GLI3: variants seen among roughly 807,000 people sequenced by gnomAD.
GLI3 encodes the protein transcription activator GLI3.
In GLI3, 20 loss-of-function variants were observed where a neutral mutation model predicts 100.8. The observed-to-expected ratio is 0.20, with a 90% CI of 0.14 to 0.29. GLI3 has a LOEUF of 0.29. GLI3 is among the 10% of genes least tolerant of loss of function. The pLI, the probability that GLI3 is intolerant of heterozygous loss-of-function variation, is 1.00. For synonymous variants in GLI3, 938 were observed against 860.5 expected, an observed-to-expected ratio of 1.09 and a Z score of -1.58; for missense variants, 2,040 against 2,128.5, an observed-to-expected ratio of 0.96 and a Z score of 0.82.
chr7:42,080,457 A>G (rs1237860575), intron 3 of GLI3, among the ~76,000 whole-genome samples: 1 of 152,206 alleles, frequency 6.6e-6, no homozygotes, highest in Non-Finnish European at 1.5e-5. Flanking sequence ...TTTTGGTTTA[A>G]GTGTCTCACT....
At chr7:42,150,214 C>A (rs896255505) in intron 2 of GLI3, 7 of 152,100 alleles carry the variant, frequency 4.6e-5, no homozygotes, top group Non-Finnish European at 8.8e-5. Flanking sequence ...CAAAAAAAAT[C>A]CTGTAATCTC....
chr7:41,988,712 A>G (rs1035583411), intron 10 of GLI3, among the ~76,000 whole-genome samples: 6 of 152,194 alleles, frequency 3.9e-5, no homozygotes, highest in African/African-American at 1.2e-4. Context: ...TTATTTATAA[A>G]TTACCCAGTG....
intron 8 of GLI3, among the ~76,000 whole-genome samples, 158 bp downstream of exon 8, chr7:42,026,041 C>T (rs1225504038): frequency 1.3e-5 from 2 of 152,222 alleles, no homozygotes; most frequent in Non-Finnish European, 1.5e-5. Flanking sequence ...AACACGTCCA[C>T]CAAAACTGAA....
intron 3 of GLI3, among the ~76,000 whole-genome samples, chr7:42,109,378 G>A (rs1785649755): frequency 6.6e-6 from 1 of 152,136 alleles, no homozygotes; most frequent in Admixed American, 6.5e-5. Context: ...GGCACCTCAG[G>A]AAATTTAAGT....
chr7:42,035,510 G>A (rs956347808), intron 7 of GLI3, among the ~76,000 whole-genome samples: 32 of 152,226 alleles, frequency 2.1e-4, no homozygotes, highest in African/African-American at 7.2e-4. Context: ...GTGCAAAATG[G>A]GAATGTCATT....
chr7:42,139,226 CAG>C (rs1786506772), intron 3 of GLI3, among the ~76,000 whole-genome samples: 1 of 151,990 alleles, frequency 6.6e-6, no homozygotes, highest in African/African-American at 2.4e-5. Flanking sequence ...TGCCTTGATA[CAG>C]AACACTGTTA....
intron 1 of GLI3, among the ~76,000 whole-genome samples, chr7:42,248,404 C>G (rs1192920370): frequency 1.3e-5 from 2 of 152,226 alleles, no homozygotes; most frequent in Non-Finnish European, 2.9e-5. Flanking sequence ...GATCACTTAA[C>G]ATTTTAAAAT....
chr7:42,056,749 G>C (rs1037562896), intron 4 of GLI3, among the ~76,000 whole-genome samples: 2 of 151,810 alleles, frequency 1.3e-5, no homozygotes, highest in African/African-American at 2.4e-5. Context: ...TGGAGAGTTT[G>C]AGACCAGTGT....
At chr7:42,026,097 G>T in intron 8 of GLI3, 102 bp downstream of exon 8, 1 of 764,368 alleles carries the variant, frequency 1.3e-6, no homozygotes, top group Non-Finnish European at 2.3e-6. Flanking sequence ...TACAGAGGCT[G>T]TGAGAACACA....
chr7:42,155,778 C>T (rs553954198), intron 2 of GLI3, among the ~76,000 whole-genome samples: 18 of 152,312 alleles, frequency 1.2e-4, no homozygotes, highest in South Asian at 4.1e-4. Context: ...GTTCCCCTCA[C>T]TGCAGCAGAA....
At chr7:42,049,178 TC>T (rs1562703418) in intron 4 of GLI3, among the ~76,000 whole-genome samples, 1 of 151,896 alleles carries the variant, frequency 6.6e-6, no homozygotes, top group East Asian at 1.9e-4. Context: ...AAGAATACAA[TC>T]CCAAATTTGT....
chr7:42,206,318 G>A (rs1016794989), intron 2 of GLI3, among the ~76,000 whole-genome samples: 1 of 151,250 alleles, frequency 6.6e-6, no homozygotes, highest in Admixed American at 6.6e-5. Context: ...AATTCTAAAG[G>A]GATACTTTTA....
chr7:41,999,403 G>A (rs142815041), intron 10 of GLI3, among the ~76,000 whole-genome samples: 1 of 152,314 alleles, frequency 6.6e-6, no homozygotes, highest in Non-Finnish European at 1.5e-5. Flanking sequence ...AAAAGGTTCT[G>A]ATTGATACTA....
chr7:42,238,243 C>A (rs1163375557), upstream of GLI3, among the ~76,000 whole-genome samples: 2 of 151,992 alleles, frequency 1.3e-5, no homozygotes, highest in African/African-American at 4.8e-5. Flanking sequence ...CCCTGGCACT[C>A]GTGCTGCGTC....
At chr7:42,114,376 G>C (rs1785794517) in intron 3 of GLI3, among the ~76,000 whole-genome samples, 1 of 152,040 alleles carries the variant, frequency 6.6e-6, no homozygotes. Flanking sequence ...CCCATGTCCT[G>C]CCTGAAATAC....
intron 10 of GLI3, among the ~76,000 whole-genome samples, chr7:42,001,236 CA>C (rs10700047): frequency 3.2e-3 from 277 of 85,688 alleles, no homozygotes; most frequent in Middle Eastern, 6.7e-3. Flanking sequence ...GACTATGTCT[CA>C]AAAAAAAAAA....
At chr7:42,111,263 C>T (rs10278332) in intron 3 of GLI3, among the ~76,000 whole-genome samples, 44,707 of 152,022 alleles carry the variant, frequency 0.29, 6,696 homozygotes, top group Middle Eastern at 0.41. Flanking sequence ...GTGCTGGGAT[C>T]GGATATGAGT....
At chr7:42,102,844 G>C (rs1785496544) in intron 3 of GLI3, among the ~76,000 whole-genome samples, 1 of 152,154 alleles carries the variant, frequency 6.6e-6, no homozygotes, top group African/African-American at 2.4e-5. Context: ...AAGGATATGG[G>C]AGTGCCATCT....
chr7:42,030,644 T>G (rs892161754), intron 7 of GLI3, among the ~76,000 whole-genome samples: 2 of 151,948 alleles, frequency 1.3e-5, no homozygotes, highest in African/African-American at 4.8e-5. Context: ...AAATAGTTCA[T>G]GTATTCATTC....
Sources: allele counts gnomAD v4.1 joint callset (sites outside exome capture counted in the v4.1 genomes callset), GRCh38; gene constraint gnomAD v4.1.1; transcripts MANE v1.5; gene names NCBI Gene and HGNC (gene_info 2026-07-23, HGNC 2026-07-21).